The following TENM4 variants were observed in gnomAD, a reference collection of about 807,000 sequenced individuals.
The protein encoded by TENM4 is teneurin-4.
A neutral mutation model predicts 243.3 loss-of-function variants in TENM4; 82 were observed. That is an observed-to-expected ratio of 0.34 (90% CI 0.28 to 0.40). The LOEUF (loss-of-function observed/expected upper bound fraction) is 0.40, where lower values mean the gene tolerates loss of function less well. Among genes scored for constraint, TENM4 ranks in the 10% least tolerant of loss-of-function variants. The pLI is 1.00. For synonymous variants in TENM4, 1,412 were observed against 1,456.3 expected, an observed-to-expected ratio of 0.97 and a Z score of 0.69; for missense variants, 3,138 against 3,673.3, an observed-to-expected ratio of 0.85 and a Z score of 3.77.
chr11:78,805,281 C>CACCCAACCA lies in TENM4; in HGVS notation c.2179+10_2179+11insTGGTTGGGT. The CACCCAACCA allele has an allele frequency of 6.7e-7, 1 of 1,488,492 alleles. No homozygotes were observed. The highest frequency in any genetic ancestry group is 9.1e-7 in the Non-Finnish European group (1 of 1,097,814). The allele number at this position is 1,488,492 out of a possible 1,614,324, so 92.2% of individuals were successfully genotyped here. A position where few individuals can be genotyped will look rare whatever the true frequency, so the allele number is the denominator to read the frequency against. ...TCCCTCTACCCATGCTTCTTCTCCC[C>CACCCAACCA]CTGCATTTACCGATAGAACAGTCGT... On this transcript the variant is annotated intron_variant, in intron 15 of 33. Coordinates refer to ENST00000278550, the MANE Select transcript of TENM4 (RefSeq NM_001098816.3).
intron 7 of TENM4, among the ~76,000 whole-genome samples, chr11:78,895,139 C>T (rs959542475): frequency 2.0e-5 from 3 of 151,740 alleles, no homozygotes; most frequent in Non-Finnish European, 2.9e-5. Flanking sequence ...GTCAGGAGAT[C>T]GAGACCATCC....
intron 3 of TENM4, among the ~76,000 whole-genome samples, chr11:79,173,866 T>A (rs1483097116): frequency 1.3e-5 from 2 of 152,160 alleles, no homozygotes; most frequent in Non-Finnish European, 2.9e-5. Flanking sequence ...CCCAGAAGAA[T>A]GTCTTCAGGA....
chr11:79,061,914 A>G (rs1186276546), intron 6 of TENM4, among the ~76,000 whole-genome samples: 1 of 151,884 alleles, frequency 6.6e-6, no homozygotes, highest in Non-Finnish European at 1.5e-5. Context: ...ATGAGATAAT[A>G]TAGCTAAAGC....
chr11:79,330,331 T>G lies in TENM4; in HGVS notation c.-320-32788A>C, dbSNP rs117296361. On this transcript the variant is annotated intron_variant, in intron 1 of 33. Coordinates refer to ENST00000278550, the MANE Select transcript of TENM4 (RefSeq NM_001098816.3). ...GGGACTCCTAGGACTGGGACTTGAG[T>G]GATGCGAAGCACAGAGAAGCCACTT... is the stretch of plus-strand genomic sequence containing the variant. Among the ~76,000 whole-genome samples, 540 of 152,128 alleles carry G rather than the reference T, an allele frequency of 3.5e-3. 1 individual carries two copies. The highest frequency in any genetic ancestry group is 0.02 in the Middle Eastern group (6 of 294).
At chr11:79,326,139 T>C (rs1856971890) in intron 1 of TENM4, among the ~76,000 whole-genome samples, 1 of 152,170 alleles carries the variant, frequency 6.6e-6, no homozygotes, top group South Asian at 2.1e-4. Context: ...GTTTAAAAAG[T>C]CCCACCTCTC....
intron 7 of TENM4, among the ~76,000 whole-genome samples, chr11:78,902,805 G>C (rs973761203): frequency 1.3e-5 from 2 of 152,172 alleles, no homozygotes; most frequent in Non-Finnish European, 2.9e-5. Context: ...CCGACGCCAG[G>C]CCAGGCAGGT....
chr11:79,382,629 G>A (rs1858027790), intron 1 of TENM4, among the ~76,000 whole-genome samples: 1 of 152,018 alleles, frequency 6.6e-6, no homozygotes, highest in Non-Finnish European at 1.5e-5. Flanking sequence ...TAAACATGGA[G>A]ACCTGAGTCC....
In TENM4 at chr11:79,440,137, C is replaced by T. The variant is rs1283000742; in HGVS notation, c.-321+372G>A. 6.6e-6 allele frequency among the ~76,000 whole-genome samples: 1 copy of T among 152,114 alleles called. No individual in the cohort carries two copies. The highest frequency in any genetic ancestry group is 1.5e-5 in the Non-Finnish European group (1 of 67,996). On this transcript the variant is annotated intron_variant, in intron 1 of 33. Coordinates refer to ENST00000278550, the MANE Select transcript of TENM4 (RefSeq NM_001098816.3). The surrounding 1 kb of genome is among the most constrained non-coding windows in gnomAD (Gnocchi z 4.7). ...TGGGGCGAGCTAGTCTGCAGAGGGG[C>T]TGCAGGCGACCGGGCCGGGGCGGGG...
At chr11:79,129,575 T>A (rs1373477276) in intron 4 of TENM4, among the ~76,000 whole-genome samples, 1 of 151,876 alleles carries the variant, frequency 6.6e-6, no homozygotes, top group Non-Finnish European at 1.5e-5. Context: ...GGCCCTTGGG[T>A]TTGCATGGGA....
chr11:78,721,641 C>A (rs1859655876), intron 24 of TENM4, among the ~76,000 whole-genome samples: 1 of 152,196 alleles, frequency 6.6e-6, no homozygotes, highest in African/African-American at 2.4e-5. Flanking sequence ...ATAATAAACA[C>A]CTTACGGAAT....
intron 6 of TENM4, among the ~76,000 whole-genome samples, chr11:78,920,995 C>T (rs188855672): frequency 3.3e-5 from 5 of 152,258 alleles, no homozygotes; most frequent in South Asian, 2.1e-4. Context: ...TGAAGTTTAA[C>T]GCTATCAACT....
intron 1 of TENM4, among the ~76,000 whole-genome samples, chr11:79,370,581 A>G (rs1312862275): frequency 6.6e-6 from 1 of 152,152 alleles, no homozygotes; most frequent in Non-Finnish European, 1.5e-5. Flanking sequence ...AAAACTCTTT[A>G]TCCTCCATGT....
chr11:78,797,810 A>G (rs886457175), intron 15 of TENM4, among the ~76,000 whole-genome samples: 10 of 152,220 alleles, frequency 6.6e-5, no homozygotes, highest in Non-Finnish European at 1.3e-4. Flanking sequence ...GCTGTTGGGA[A>G]GGGGTACAGG....
chr11:79,383,086 C>A (rs1038618721), intron 1 of TENM4, among the ~76,000 whole-genome samples: 3 of 152,196 alleles, frequency 2.0e-5, no homozygotes, highest in African/African-American at 7.2e-5. Context: ...CTGCCCTGCT[C>A]TGTGCCCAGG....
chr11:78,822,162 G>A (rs1464230892), intron 12 of TENM4, among the ~76,000 whole-genome samples: 5 of 152,150 alleles, frequency 3.3e-5, no homozygotes, highest in Admixed American at 2.6e-4. Flanking sequence ...AAGATGAAGC[G>A]TATGACATCT....
chr11:78,695,598 G>C (rs1858940531), intron 28 of TENM4, among the ~76,000 whole-genome samples: 1 of 151,884 alleles, frequency 6.6e-6, no homozygotes, highest in African/African-American at 2.4e-5. Context: ...CCTGACCTCA[G>C]GTGATCCACC....
Position 79,051,672 on chromosome 11 carries a change from CAACTTTT to C in TENM4, c.493+13059_493+13065del, listed in dbSNP as rs778426944. 1.8e-4 allele frequency among the ~76,000 whole-genome samples: 28 copies of C among 152,270 alleles called. 1 individual carries two copies. The highest frequency in any genetic ancestry group is 1.2e-3 in the Admixed American group (19 of 15,294). ...AATAACAACCCCTGTTTTTCTTCTT[CAACTTTT>C]AAGTTCAGGGGTATATGTGCCAGAT... On this transcript the variant is annotated intron_variant, in intron 6 of 33. Coordinates refer to ENST00000278550, the MANE Select transcript of TENM4 (RefSeq NM_001098816.3).
At chr11:79,072,697 C>T (rs763041478) in intron 4 of TENM4, among the ~76,000 whole-genome samples, 24 of 152,256 alleles carry the variant, frequency 1.6e-4, no homozygotes, top group Non-Finnish European at 3.1e-4. Flanking sequence ...CAACCCAATA[C>T]TGGCTTTCAA....
chr11:79,280,021 C>CT (rs1282032466), intron 2 of TENM4, among the ~76,000 whole-genome samples: 2 of 150,896 alleles, frequency 1.3e-5, no homozygotes, highest in Non-Finnish European at 2.9e-5. Flanking sequence ...CTCCTCCCCT[C>CT]TGGAGGATGT....
Sources: allele counts gnomAD v4.1 joint callset (sites outside exome capture counted in the v4.1 genomes callset), GRCh38; gene constraint gnomAD v4.1.1; non-coding constraint Gnocchi (gnomAD v3.1); transcripts MANE v1.5; gene names NCBI Gene and HGNC (gene_info 2026-07-23, HGNC 2026-07-21).